The following SLC22A15 variants were observed in gnomAD, a reference collection of about 807,000 sequenced individuals.
SLC22A15 encodes the protein flipt 1.
Under a neutral mutation model 62.7 loss-of-function variants are expected in SLC22A15, and 45 were observed. The observed-to-expected ratio is 0.72, with a 90% CI of 0.56 to 0.92. The LOEUF (loss-of-function observed/expected upper bound fraction) is 0.92. Ranked by LOEUF, SLC22A15 falls within the 40% of genes least tolerant of loss-of-function variation. The probability of loss-of-function intolerance (pLI) is 0.00; values close to 1 mark genes in which losing one functional copy is unlikely to be tolerated. For synonymous variants in SLC22A15, 264 were observed against 267.0 expected, an observed-to-expected ratio of 0.99 and a Z score of 0.11; for missense variants, 622 against 665.6, an observed-to-expected ratio of 0.93 and a Z score of 0.72.
At position 116,068,079 on chromosome 1, in the gene SLC22A15, A is replaced by G. The variant is rs750438457; in HGVS notation, c.*971A>G. The stretch of plus-strand genomic sequence containing the variant: ...CATTGTGCCATGAGGGATTTGGACA[A>G]TATTTAAGAACTTCTTGTCCTAGAT... On this transcript the variant is annotated 3_prime_UTR_variant, in exon 12 of 12. Transcript: ENST00000369503. 3 of 152,628 alleles carry G rather than the reference A, an allele frequency of 2.0e-5. No individual in the cohort carries two copies. Among genetic ancestry groups the G allele is most frequent in the African/African-American group, 4.8e-5 (2 of 41,454 alleles). 9.5% of individuals were successfully genotyped at this position (152,628 alleles called of 1,614,324 possible). A position where few individuals can be genotyped will look rare whatever the true frequency, so the allele number is the denominator to read the frequency against.
At chr1:116,026,769 CT>C (rs1343778290) in intron 4 of SLC22A15, 123 bp from the exon 5 acceptor site, 26 of 1,107,418 alleles carry the variant, frequency 2.3e-5, no homozygotes, top group Non-Finnish European at 2.9e-5. Context: ...TCTGGTGTGC[CT>C]CTTATAGTTG....
intron 2 of SLC22A15, among the ~76,000 whole-genome samples, chr1:115,993,620 G>T (rs1175017404): frequency 6.6e-6 from 1 of 152,034 alleles, no homozygotes; most frequent in Non-Finnish European, 1.5e-5. Context: ...GTCCTCCGTG[G>T]AGTGCCCCAC....
At chr1:116,011,062 G>T (rs544552651) in intron 2 of SLC22A15, among the ~76,000 whole-genome samples, 2 of 152,172 alleles carry the variant, frequency 1.3e-5, no homozygotes, top group Non-Finnish European at 2.9e-5. Context: ...AGAAGGCTGT[G>T]TTGGGACTAG....
At chr1:116,033,837 C>T (rs75119142) in intron 6 of SLC22A15, among the ~76,000 whole-genome samples, 9,910 of 152,098 alleles carry the variant, frequency 0.065, 401 homozygotes, top group Admixed American at 0.11. Context: ...CAATCCTGCC[C>T]GTTGTCCTTG....
rs1432500094 is a variant in SLC22A15, at chr1:116,035,223, G to A, written c.981G>A (p.Leu327=). 4 of 1,613,198 alleles carry A rather than the reference G, an allele frequency of 2.5e-6. No individual in the cohort carries two copies. In the Admixed American group the frequency reaches 6.7e-5, roughly 27 times the overall value. The change falls in exon 7 of 12, where the codon CTG becomes CTA. Residue 327 remains leucine, a synonymous_variant. Coordinates refer to ENST00000369503, the MANE Select transcript of SLC22A15 (RefSeq NM_018420.3). ...GCTTGGTGTATTATGGCCTAACTCTGAGTGCGGGTGATCTAGGTGGAAGTA... is the reference window on the plus strand; with the variant it reads ...GCTTGGTGTATTATGGCCTAACTCTAAGTGCGGGTGATCTAGGTGGAAGTA... The part of the protein sequence containing the change: ...VCSLVYYGLT[L]SAGDLGGSIY...
At chr1:115,980,086 A>G (rs767715202) in intron 1 of SLC22A15, among the ~76,000 whole-genome samples, 3 of 151,944 alleles carry the variant, frequency 2.0e-5, no homozygotes, top group Non-Finnish European at 2.9e-5. Context: ...TCAGCATTTT[A>G]GAAAGTAGAA....
intron 2 of SLC22A15, among the ~76,000 whole-genome samples, chr1:115,999,330 T>C (rs1029390163): frequency 1.3e-5 from 2 of 152,150 alleles, no homozygotes; most frequent in Non-Finnish European, 2.9e-5. Context: ...ATAGTGAAGA[T>C]TAAGTCTAAT....
At chr1:115,997,907 G>A (rs1689086) in intron 2 of SLC22A15, among the ~76,000 whole-genome samples, 140,389 of 152,212 alleles carry the variant, frequency 0.92, 64,852 homozygotes, top group Middle Eastern at 0.99. Flanking sequence ...TGTGTCCAGT[G>A]TGATACTAGC....
intron 8 of SLC22A15, among the ~76,000 whole-genome samples, chr1:116,054,265 A>G (rs1379035917): frequency 6.6e-6 from 1 of 151,960 alleles, no homozygotes; most frequent in Non-Finnish European, 1.5e-5. Context: ...CTAGTCTCTG[A>G]TAAAACAGAC....
chr1:115,988,796 G>A (rs1357873786), intron 1 of SLC22A15, among the ~76,000 whole-genome samples: 2 of 151,812 alleles, frequency 1.3e-5, no homozygotes, highest in Non-Finnish European at 2.9e-5. Context: ...GCCTCCCAAA[G>A]TCCTGGGATT....
chr1:115,988,360 GA>G (rs1345287817), intron 1 of SLC22A15, among the ~76,000 whole-genome samples: 2 of 152,108 alleles, frequency 1.3e-5, no homozygotes, highest in Non-Finnish European at 2.9e-5. Flanking sequence ...GGGGGGAAAG[GA>G]ATACTATGTG....
chr1:116,000,097 A>G (rs1655645710), intron 2 of SLC22A15, among the ~76,000 whole-genome samples: 1 of 152,106 alleles, frequency 6.6e-6, no homozygotes, highest in Admixed American at 6.5e-5. Context: ...TAGTCCATTT[A>G]CATTCAATGT....
rs764814243 is a variant in SLC22A15, at chr1:116,031,526, G to A, written c.889G>A (p.Asp297Asn). Residue 297 changes from aspartate (D) to asparagine (N), a missense_variant, in exon 6 of 12, where the codon GAT (aspartate) becomes AAT (asparagine). Physicochemically the swap from Asp to Asn is conservative, Grantham distance 23. Transcript: ENST00000369503. Reference sequence around the variant, plus strand: ...CTGCAGGGAGACTGGAAGTTTCCTGGATCTCTTTCGTTACCGGGTCCTGTT... The same window carrying A: ...CTGCAGGGAGACTGGAAGTTTCCTGAATCTCTTTCGTTACCGGGTCCTGTT... Reference protein sequence around the residue: ...RSCRETGSFLDLFRYRVLLGH... With the variant: ...RSCRETGSFLNLFRYRVLLGH... 2 of 1,613,956 alleles carry A rather than the reference G, an allele frequency of 1.2e-6. No individual in the cohort carries two copies. The highest frequency in any genetic ancestry group is 8.5e-7 in the Non-Finnish European group (1 of 1,179,860).
At chr1:116,030,214 C>A (rs1318707690) in intron 5 of SLC22A15, among the ~76,000 whole-genome samples, 1 of 152,144 alleles carries the variant, frequency 6.6e-6, no homozygotes, top group East Asian at 1.9e-4. Context: ...AAAACTCCTG[C>A]CTTTTGGTTT....
At chr1:115,981,729 G>A (rs1255956265) in intron 1 of SLC22A15, among the ~76,000 whole-genome samples, 1 of 152,200 alleles carries the variant, frequency 6.6e-6, no homozygotes, top group African/African-American at 2.4e-5. Context: ...TCCATGGAAA[G>A]CAACTAGACT....
intron 8 of SLC22A15, among the ~76,000 whole-genome samples, chr1:116,039,372 A>C (rs1657722422): frequency 1.3e-5 from 2 of 152,048 alleles, no homozygotes; most frequent in African/African-American, 4.8e-5. Flanking sequence ...ATCTCTACTA[A>C]AAATACAAAA....
At chr1:116,041,794 A>G (rs1263127504) in intron 8 of SLC22A15, among the ~76,000 whole-genome samples, 1 of 152,134 alleles carries the variant, frequency 6.6e-6, no homozygotes, top group Non-Finnish European at 1.5e-5. Context: ...TGAAGAAACT[A>G]CTGAGGCCAG....
intron 1 of SLC22A15, among the ~76,000 whole-genome samples, chr1:115,985,406 G>A (rs1324848779): frequency 3.9e-5 from 6 of 152,134 alleles, no homozygotes; most frequent in East Asian, 1.9e-4. Context: ...TGATGGACTC[G>A]CCTAAGGACA....
chr1:116,023,847 AAGTATATTCT>A (rs1412007582), intron 4 of SLC22A15, among the ~76,000 whole-genome samples: 13 of 152,228 alleles, frequency 8.5e-5, no homozygotes, highest in African/African-American at 2.4e-4. Flanking sequence ...ATTCTGGGAG[AAGTATATTCT>A]AGCTAGATGG....
Sources: gnomAD v4.1 joint callset for allele counts (sites outside exome capture counted in the v4.1 genomes callset) on GRCh38, gnomAD v4.1.1 for gene constraint, MANE v1.5 for transcripts, NCBI Gene and HGNC (gene_info 2026-07-23, HGNC 2026-07-21) for gene names.